CHRNA2: variants seen among roughly 807,000 people sequenced by gnomAD.
CHRNA2 encodes neuronal acetylcholine receptor subunit alpha-2.
A neutral mutation model predicts 45.5 loss-of-function variants in CHRNA2; 40 were observed. That is an observed-to-expected ratio of 0.88 (90% confidence interval 0.68 to 1.15). The LOEUF is 1.15. Ranked by LOEUF, CHRNA2 falls within the 50% of genes most tolerant of loss-of-function variation. The pLI is 0.00. For synonymous variants in CHRNA2, 301 were observed against 296.7 expected (o/e 1.01, Z -0.15); for missense variants, 655 against 701.7 (o/e 0.93, Z 0.75).
chr8:27,473,354 G>A (rs973571078), intron 1 of CHRNA2, among the ~76,000 whole-genome samples: 5 of 152,150 alleles, frequency 3.3e-5, no homozygotes, highest in African/African-American at 1.2e-4. Flanking sequence ...TATGTTATGT[G>A]TATTTAGCCA....
rs760940111 is a variant in CHRNA2 at position 27,463,414 on chromosome 8, G to A, written c.1029C>T (p.Ile343=). The A allele has an allele frequency of 1.2e-5, 19 of 1,614,070 alleles. No homozygotes were observed. Among genetic ancestry groups the A allele is most frequent in the East Asian group, 2.2e-5 (1 of 44,890 alleles). The change falls in exon 6 of 7, where the codon ATC becomes ATT. Residue 343 remains isoleucine (I), a synonymous_variant. Transcript: ENST00000407991. The surrounding 1 kb of genome is among the most constrained non-coding windows in gnomAD (Gnocchi z 6.1). ...LFTMIFVTLS[I]VITVFVLNVH... ...CATTGAGCACGAAGACGGTGATGAC[G>A]ATGGACAGGGTGACGAAGATCATGG...
intron 1 of CHRNA2, among the ~76,000 whole-genome samples, chr8:27,472,624 TAG>T (rs1489259045): frequency 6.6e-6 from 1 of 152,018 alleles, no homozygotes; most frequent in African/African-American, 2.4e-5. Flanking sequence ...AAACAGAACG[TAG>T]ATTAGTGGTT....
chr8:27,471,065 T>C lies in CHRNA2; in HGVS notation c.-7A>G, dbSNP rs769273921. 10 of 1,613,844 alleles carry C rather than the reference T, an allele frequency of 6.2e-6. No homozygotes were observed. The highest frequency in any genetic ancestry group is 8.5e-6 in the Non-Finnish European group (10 of 1,179,902). ...CAGGACAGGAGGGGCCCATGGCTTCTCCTGAGCATCAGGAGGTCAGGTCAG... is the reference window on the plus strand; with the variant it reads ...CAGGACAGGAGGGGCCCATGGCTTCCCCTGAGCATCAGGAGGTCAGGTCAG... On this transcript the variant is annotated 5_prime_UTR_variant, in exon 2 of 7. Coordinates refer to ENST00000407991, the MANE Select transcript of CHRNA2 (RefSeq NM_000742.4).
intron 4 of CHRNA2, chr8:27,467,637 C>T (rs1812741154): frequency 5.1e-6 from 2 of 395,602 alleles, no homozygotes; most frequent in African/African-American, 2.0e-5. Context: ...CTTGGTGGGC[C>T]ACCTCACTCA....
chr8:27,463,995 T>G lies in CHRNA2; in HGVS notation c.450-2A>C, dbSNP rs777966258. ...GTCACTGCAAACTCCCCATCTGCAC[T>G]GAGAAGAGGAGAGGAGCTGGGGAGA... On this transcript the variant is annotated splice_acceptor_variant, in intron 5 of 6. Coordinates refer to ENST00000407991, the MANE Select transcript of CHRNA2 (RefSeq NM_000742.4). LOFTEE classifies it high-confidence loss of function. The surrounding 1 kb of genome is among the most constrained non-coding windows in gnomAD (Gnocchi z 6.1). 3.7e-6 allele frequency: 6 copies of G among 1,614,024 alleles called. No homozygotes were observed. The highest frequency in any genetic ancestry group is 4.2e-6 in the Non-Finnish European group (5 of 1,179,994).
chr8:27,462,899 G>A (rs1812541681), intron 6 of CHRNA2, 80 bp downstream of exon 6: 2 of 1,582,968 alleles, frequency 1.3e-6, no homozygotes, highest in Non-Finnish European at 1.7e-6. Flanking sequence ...GGCTGCCCAA[G>A]CTCACACTCT....
chr8:27,472,368 G>T (rs754415929), intron 1 of CHRNA2, among the ~76,000 whole-genome samples: 1 of 152,174 alleles, frequency 6.6e-6, no homozygotes, highest in Non-Finnish European at 1.5e-5. Flanking sequence ...AGCCCTCGAC[G>T]TGTGGGATCT....
At chr8:27,477,968 G>A (rs1586409410) in intron 1 of CHRNA2, among the ~76,000 whole-genome samples, 1 of 152,088 alleles carries the variant, frequency 6.6e-6, no homozygotes, top group Non-Finnish European at 1.5e-5. Flanking sequence ...CTGAATCCTG[G>A]TTCCGTGGAG....
chr8:27,461,396 G>A lies in CHRNA2; in HGVS notation c.*233C>T, dbSNP rs998718351. On this transcript the variant is annotated 3_prime_UTR_variant, in exon 7 of 7. Transcript: ENST00000407991. ...GGTCACCACACTATTGCGACCTTCT[G>A]CAGAGCTTCCCCAGCTCCTCCGTAT... 5 of 582,930 alleles carry A rather than the reference G, an allele frequency of 8.6e-6. No individual in the cohort carries two copies. The highest frequency in any genetic ancestry group is 1.5e-5 in the Non-Finnish European group (5 of 333,270). The allele number at this position is 582,930 out of a possible 1,614,324, so 36.1% of individuals were successfully genotyped here. A position where few individuals can be genotyped will look rare whatever the true frequency, so the allele number is the denominator to read the frequency against.
At chr8:27,473,533 G>GCCC (rs33973638) in intron 1 of CHRNA2, among the ~76,000 whole-genome samples, 2 of 104,466 alleles carry the variant, frequency 1.9e-5, no homozygotes, top group African/African-American at 3.7e-5. Context: ...GACCCCCCCC[G>GCCC]CCGTCTCTAC....
chr8:27,467,921 C>G (rs1812749628), intron 4 of CHRNA2, among the ~76,000 whole-genome samples: 2 of 152,136 alleles, frequency 1.3e-5, no homozygotes, highest in Admixed American at 6.5e-5. Flanking sequence ...GTCTGGCCCC[C>G]ACCCCTGCCT....
chr8:27,470,110 G>T, intron 2 of CHRNA2, 129 bp from the exon 3 acceptor site: 1 of 904,430 alleles, frequency 1.1e-6, no homozygotes, highest in Non-Finnish European at 1.8e-6. Context: ...TATCAGAGCT[G>T]AGCACAGCAT....
At chr8:27,465,790 G>A (rs1028945811) in intron 5 of CHRNA2, among the ~76,000 whole-genome samples, 1 of 152,124 alleles carries the variant, frequency 6.6e-6, no homozygotes, top group Non-Finnish European at 1.5e-5. Context: ...ATGGCAACAT[G>A]TGCTCACTTG....
rs1371106611 is a variant in CHRNA2 at position 27,460,360 on chromosome 8, A to G, written c.*1269T>C. 1 of 152,120 alleles carries G rather than the reference A, an allele frequency of 6.6e-6. No individual in the cohort carries two copies. Among genetic ancestry groups the G allele is most frequent in the Admixed American group, 6.6e-5 (1 of 15,260 alleles). 9.4% of individuals were successfully genotyped at this position (152,120 alleles called of 1,614,324 possible). Reference sequence around the variant, plus strand: ...GCTCTGAAGGGTTCAGAGCAGGTCAACACACCTCGGGGCTCTGGGAGAGAC... The same window carrying G: ...GCTCTGAAGGGTTCAGAGCAGGTCAGCACACCTCGGGGCTCTGGGAGAGAC... On this transcript the variant is annotated 3_prime_UTR_variant, in exon 7 of 7. Transcript: ENST00000407991.
intron 1 of CHRNA2, among the ~76,000 whole-genome samples, chr8:27,474,178 G>A (rs371446974): frequency 1.3e-3 from 198 of 152,238 alleles, no homozygotes; most frequent in African/African-American, 4.5e-3. Context: ...ATTGCACAAT[G>A]ACAGTTTGGG....
At chr8:27,476,193 T>C (rs1032361100) in intron 1 of CHRNA2, among the ~76,000 whole-genome samples, 1 of 152,242 alleles carries the variant, frequency 6.6e-6, no homozygotes, top group Non-Finnish European at 1.5e-5. Context: ...GGGCCAACAG[T>C]GTGCCAGGCA....
intron 1 of CHRNA2, among the ~76,000 whole-genome samples, chr8:27,478,413 G>A (rs939953610): frequency 2.6e-5 from 4 of 152,230 alleles, no homozygotes; most frequent in African/African-American, 9.6e-5. Context: ...AAGCCCAGCT[G>A]TAAAGAACTT....
chr8:27,463,002 G>A lies in CHRNA2; in HGVS notation c.1441C>T (p.Arg481Trp), dbSNP rs369803320. ...EGVHYIADHL[R>W]SEDADSSVKE... ...ACCGAAGAGTCAGCATCCTCAGACCGCAGGTGGTCGGCAATGTAGTGCACA... is the reference window on the plus strand; with the variant it reads ...ACCGAAGAGTCAGCATCCTCAGACCACAGGTGGTCGGCAATGTAGTGCACA... The change falls in exon 6 of 7, where the codon CGG becomes TGG. Residue 481 changes from arginine (R) to tryptophan (W), a missense_variant. Around this residue, in one of 3 missense-constraint regions of CHRNA2, gnomAD observed 295 missense variants for 280.4 expected, o/e 1.05. Transcript: ENST00000407991. The surrounding 1 kb of genome is among the most constrained non-coding windows in gnomAD (Gnocchi z 6.1). The A allele has an allele frequency of 1.2e-5, 20 of 1,613,986 alleles. No individual in the cohort carries two copies. Among genetic ancestry groups the A allele is most frequent in the Admixed American group, 6.7e-5 (4 of 60,014 alleles).
At chr8:27,467,952 C>T (rs1812750726) in intron 4 of CHRNA2, among the ~76,000 whole-genome samples, 1 of 152,160 alleles carries the variant, frequency 6.6e-6, no homozygotes, top group African/African-American at 2.4e-5. Context: ...AGGTCCAAAT[C>T]AGTCCCCCTG....
Sources: allele counts gnomAD v4.1 joint callset (sites outside exome capture counted in the v4.1 genomes callset), GRCh38; gene constraint gnomAD v4.1.1; regional missense constraint gnomAD v4.1.1; non-coding constraint Gnocchi (gnomAD v3.1); transcripts MANE v1.5; gene names NCBI Gene and HGNC (gene_info 2026-07-23, HGNC 2026-07-21).